Variants in PALS2 observed in about 807,000 individuals in gnomAD.
The protein encoded by PALS2 is protein PALS2.
A neutral mutation model predicts 61.6 loss-of-function variants in PALS2; 27 were observed. The ratio of observed to expected loss-of-function variants is 0.44; its 90% CI spans 0.32 to 0.60. The LOEUF is 0.60. PALS2 is among the 20% of genes least tolerant of loss of function. The probability of loss-of-function intolerance (pLI) is 0.05; values close to 1 mark genes in which losing one functional copy is unlikely to be tolerated. For synonymous variants in PALS2, 236 were observed against 218.6 expected (o/e 1.08, Z -0.70); for missense variants, 554 against 639.4 (o/e 0.87, Z 1.44).
rs1266330315 is a variant in PALS2, at chr7:24,652,626, T to C, written c.651+1914T>C. Among the ~76,000 whole-genome samples, 7 of 152,068 alleles carry C rather than the reference T, an allele frequency of 4.6e-5. No individual in the cohort carries two copies. The East Asian group carries it at 1.4e-3, about 29-fold the overall frequency. On this transcript the variant is annotated intron_variant, in intron 5 of 11. Transcript: ENST00000222644. ...TAAATGAAAAGGGGAACATTACTCA[T>C]ATGCTGGAATAATAGGCATAAACCA...
At chr7:24,663,105 G>C (rs1056046734) in intron 5 of PALS2, among the ~76,000 whole-genome samples, 2 of 152,070 alleles carry the variant, frequency 1.3e-5, no homozygotes, top group East Asian at 1.9e-4. Context: ...AAGTATTTAA[G>C]GCTACCAAAT....
intron 1 of PALS2, among the ~76,000 whole-genome samples, chr7:24,612,617 ATCTG>A (rs769278040): frequency 3.6e-4 from 54 of 151,824 alleles, no homozygotes; most frequent in Admixed American, 1.3e-3. Flanking sequence ...TAATTTTCAT[ATCTG>A]TCTGAACATT....
chr7:24,599,151 C>T (rs1446841334), intron 1 of PALS2, among the ~76,000 whole-genome samples: 2 of 152,116 alleles, frequency 1.3e-5, no homozygotes, highest in East Asian at 3.9e-4. Context: ...CTAACACACA[C>T]ATAGATGGTA....
rs1584019830 is a variant in PALS2 at position 24,687,120 on chromosome 7, C to T, written c.1447-318C>T. ...ATATAGTGGAGCTGGAAACCAGTCACCTGCAGTAATTGTTTTGTTACTGTA... is the reference window on the plus strand; with the variant it reads ...ATATAGTGGAGCTGGAAACCAGTCATCTGCAGTAATTGTTTTGTTACTGTA... On this transcript the variant is annotated intron_variant, in intron 11 of 11. Coordinates refer to ENST00000222644, the MANE Select transcript of PALS2 (RefSeq NM_001303037.2). This position sits in a 1 kb window ranked among gnomAD's most constrained non-coding sequence, Gnocchi z 4.5. Among the ~76,000 whole-genome samples, 1 of 152,106 alleles carries T rather than the reference C, an allele frequency of 6.6e-6. No homozygotes were observed. The highest frequency in any genetic ancestry group is 2.1e-4 in the South Asian group (1 of 4,824).
chr7:24,624,008 C>A, intron 2 of PALS2: 1 of 1,196,418 alleles, frequency 8.4e-7, no homozygotes, highest in Non-Finnish European at 1.2e-6. Flanking sequence ...TTAGTTTTGG[C>A]GTAATGCCTT....
intron 9 of PALS2, among the ~76,000 whole-genome samples, chr7:24,675,706 A>C (rs542692374): frequency 0.034 from 4,615 of 136,994 alleles, 102 homozygotes; most frequent in Non-Finnish European, 0.05. Flanking sequence ...CCATGTCCCT[A>C]CAAAGGACAT....
rs931811011 is a variant in PALS2, at chr7:24,596,570, TA to T, written c.-3+22978del. Among the ~76,000 whole-genome samples the T allele has an allele frequency of 3.3e-5, 5 of 152,322 alleles. No individual in the cohort carries two copies. The highest frequency in any genetic ancestry group is 7.4e-5 in the Non-Finnish European group (5 of 68,024). On this transcript the variant is annotated intron_variant, in intron 1 of 11. Coordinates refer to ENST00000222644, the MANE Select transcript of PALS2 (RefSeq NM_001303037.2). The surrounding 1 kb of genome is among the most constrained non-coding windows in gnomAD (Gnocchi z 4.5). ...AACAATTTTGATTCATTATACTACA[TA>T]TTTTCTTGTAAAATAATGAAGTTTT...
intron 2 of PALS2, among the ~76,000 whole-genome samples, chr7:24,625,981 C>G (rs1355337339): frequency 6.6e-6 from 1 of 151,998 alleles, no homozygotes; most frequent in Non-Finnish European, 1.5e-5. Flanking sequence ...GCACACATTG[C>G]TAGATATGCA....
rs1786998692 is a variant in PALS2, at chr7:24,666,023, C to T, written c.886C>T (p.Pro296Ser). Reference protein sequence around the residue: ...FVRRDWDNSGPFCGTISSKKK... With the variant: ...FVRRDWDNSGSFCGTISSKKK... ...ATATTTGTTTTATCATCCTTCAGGA[C>T]CTTTTTGTGGAACTATAAGTAGCAA... Residue 296 changes from proline (P) to serine (S), a missense_variant and splice_region_variant, in exon 8 of 12, where the codon CCT becomes TCT. Pro to Ser is a moderately conservative substitution (Grantham distance 74). Coordinates refer to ENST00000222644, the MANE Select transcript of PALS2 (RefSeq NM_001303037.2). 1.2e-6 allele frequency: 2 copies of T among 1,607,746 alleles called. No individual in the cohort carries two copies. The highest frequency in any genetic ancestry group is 1.7e-6 in the Non-Finnish European group (2 of 1,175,176).
rs1784356837 is a variant in PALS2 at position 24,618,076 on chromosome 7, C to A, written c.-2-5590C>A. ...TTAGGGTGTAGGTGCCAATGTGGAG[C>A]CAGTTCAAGGACATCTTCACCAGAG... On this transcript the variant is annotated intron_variant, in intron 1 of 11. Coordinates refer to ENST00000222644, the MANE Select transcript of PALS2 (RefSeq NM_001303037.2). The surrounding 1 kb of genome is among the most constrained non-coding windows in gnomAD (Gnocchi z 5.1). Among the ~76,000 whole-genome samples, 1 of 152,112 alleles carries A rather than the reference C, an allele frequency of 6.6e-6. No individual in the cohort carries two copies. Among genetic ancestry groups the A allele is most frequent in the East Asian group, 1.9e-4 (1 of 5,188 alleles).
rs1784384683 is a variant in PALS2 at position 24,618,727 on chromosome 7, C to A, written c.-2-4939C>A. On this transcript the variant is annotated intron_variant, in intron 1 of 11. Transcript: ENST00000222644. The surrounding 1 kb of genome is among the most constrained non-coding windows in gnomAD (Gnocchi z 5.1). ...GGAGAAGTCCCTTCTGACTCTGGGC[C>A]ATTCCAGGCTCGGAGGATGGGATGG... 6.6e-6 allele frequency among the ~76,000 whole-genome samples: 1 copy of A among 152,210 alleles called. No homozygotes were observed. Among genetic ancestry groups the A allele is most frequent in the Non-Finnish European group, 1.5e-5 (1 of 68,044 alleles).
intron 1 of PALS2, among the ~76,000 whole-genome samples, chr7:24,617,828 A>G (rs1562616897): frequency 6.6e-6 from 1 of 152,086 alleles, no homozygotes; most frequent in Non-Finnish European, 1.5e-5. Context: ...GGCTGGTGGC[A>G]TGGGCACATG....
At chr7:24,628,021 G>C (rs1784825542) in intron 2 of PALS2, among the ~76,000 whole-genome samples, 1 of 152,162 alleles carries the variant, frequency 6.6e-6, no homozygotes, top group African/African-American at 2.4e-5. Context: ...CATTTTATGA[G>C]GCCAGCATCA....
intron 1 of PALS2, among the ~76,000 whole-genome samples, chr7:24,622,408 AT>A (rs947081229): frequency 2.6e-5 from 4 of 151,622 alleles, no homozygotes; most frequent in African/African-American, 4.8e-5. Context: ...ATTTCTCAGT[AT>A]TTTATTGTCT....
At chr7:24,656,397 C>T (rs1786418417) in intron 5 of PALS2, among the ~76,000 whole-genome samples, 1 of 152,186 alleles carries the variant, frequency 6.6e-6, no homozygotes, top group Non-Finnish European at 1.5e-5. Flanking sequence ...TAAAAATATC[C>T]TTGAGATAAA....
intron 2 of PALS2, among the ~76,000 whole-genome samples, chr7:24,626,500 TATA>T (rs1784749399): frequency 6.6e-6 from 1 of 152,054 alleles, no homozygotes; most frequent in South Asian, 2.1e-4. Flanking sequence ...CAGCTAGCAT[TATA>T]ATGACGGGAT....
Position 24,625,518 on chromosome 7 carries a change from AAGAC to A in PALS2, c.117+1738_117+1741del, listed in dbSNP as rs542578846. The stretch of plus-strand genomic sequence containing the variant: ...GTGTCTAAGGTCTCTCTGCTAGCAA[AAGAC>A]AGATGAGGTTTAGGCCATGTGTTCT... On this transcript the variant is annotated intron_variant, in intron 2 of 11. Coordinates refer to ENST00000222644, the MANE Select transcript of PALS2 (RefSeq NM_001303037.2). Among the ~76,000 whole-genome samples, 8 of 152,328 alleles carry A rather than the reference AAGAC, an allele frequency of 5.3e-5. No individual in the cohort carries two copies. The South Asian group carries it at 1.7e-3, about 32-fold the overall frequency.
chr7:24,591,599 A>C (rs10242982), intron 1 of PALS2, among the ~76,000 whole-genome samples: 3,604 of 152,232 alleles, frequency 0.024, 163 homozygotes, highest in African/African-American at 0.083. Context: ...TGTAAATTAA[A>C]ATAGTTCTCA....
At chr7:24,587,030 A>G (rs185398144) in intron 1 of PALS2, among the ~76,000 whole-genome samples, 2 of 134,926 alleles carry the variant, frequency 1.5e-5, no homozygotes, top group East Asian at 4.2e-4. Flanking sequence ...TGTTTAAAGG[A>G]TTTTTTTTTT....
Sources: gnomAD v4.1 joint callset for allele counts (sites outside exome capture counted in the v4.1 genomes callset) on GRCh38, gnomAD v4.1.1 for gene constraint, Gnocchi (gnomAD v3.1) non-coding constraint, MANE v1.5 for transcripts, NCBI Gene and HGNC (gene_info 2026-07-23, HGNC 2026-07-21) for gene names.